The following CXADR variants were observed in gnomAD, a reference collection of about 807,000 sequenced individuals.
The protein encoded by CXADR is CXADR cell adhesion molecule.
Under a neutral mutation model 40.3 loss-of-function variants are expected in CXADR, and 20 were observed. That is an observed-to-expected ratio of 0.50 (90% confidence interval 0.35 to 0.72). CXADR has a LOEUF of 0.72. CXADR is among the 30% of genes least tolerant of loss of function. CXADR has a pLI of 0.01. For synonymous variants in CXADR, 150 were observed against 161.3 expected, an observed-to-expected ratio of 0.93 and a Z score of 0.53; for missense variants, 332 against 449.1, an observed-to-expected ratio of 0.74 and a Z score of 2.36.
Position 17,523,455 on chromosome 21 carries a change from G to T in CXADR, c.43+10283G>T, listed in dbSNP as rs995619954. Among the ~76,000 whole-genome samples, 8 of 152,230 alleles carry T rather than the reference G, an allele frequency of 5.3e-5. No homozygotes were observed. The East Asian group carries it at 1.5e-3, about 29-fold the overall frequency. The stretch of plus-strand genomic sequence containing the variant: ...TTGTGTCAGCTTTGCCAGGTGTTCA[G>T]GAGTGGAGTTTATATCACCACTCAC... On this transcript the variant is annotated intron_variant, in intron 1 of 6. Transcript: ENST00000284878.
At chr21:17,585,050 A>G (rs1161313849) in intron 7 of CXADR, among the ~76,000 whole-genome samples, 2 of 152,124 alleles carry the variant, frequency 1.3e-5, no homozygotes, top group Non-Finnish European at 2.9e-5. Context: ...CTGTTTTTCC[A>G]TTGAATTTTG....
chr21:17,618,651 C>T, the CXADR span, among the ~76,000 whole-genome samples: 2 of 152,140 alleles, frequency 1.3e-5, no homozygotes, highest in Non-Finnish European at 2.9e-5. Flanking sequence ...ATTCTCTGGC[C>T]TCAGCCTCCC....
chr21:17,518,340 A>C (rs1433103848), intron 1 of CXADR, among the ~76,000 whole-genome samples: 1 of 152,234 alleles, frequency 6.6e-6, no homozygotes, highest in Non-Finnish European at 1.5e-5. Context: ...TTGACCAAAA[A>C]AATATCCTGA....
chr21:17,625,711 T>C, the CXADR span, among the ~76,000 whole-genome samples: 18 of 152,216 alleles, frequency 1.2e-4, no homozygotes, highest in Admixed American at 5.9e-4. Flanking sequence ...ACATATACCA[T>C]TTGCAAATTC....
chr21:17,544,619 C>G (rs1047280817), intron 1 of CXADR, among the ~76,000 whole-genome samples: 1 of 152,070 alleles, frequency 6.6e-6, no homozygotes, highest in Non-Finnish European at 1.5e-5. Flanking sequence ...GGCCGGTGAC[C>G]GAGGAGGCAA....
At chr21:17,536,160 C>G (rs769846082) in intron 1 of CXADR, among the ~76,000 whole-genome samples, 2 of 152,116 alleles carry the variant, frequency 1.3e-5, no homozygotes, top group Non-Finnish European at 2.9e-5. Flanking sequence ...AAGATAACAG[C>G]TCTTTTCGTC....
At chr21:17,599,525 G>A in the CXADR span, among the ~76,000 whole-genome samples, 3 of 143,860 alleles carry the variant, frequency 2.1e-5, no homozygotes, top group Non-Finnish European at 4.5e-5. Context: ...TGCCCAGGCT[G>A]GAGTGCAATG....
At chr21:17,612,675 C>A in the CXADR span, 1 of 152,912 alleles carries the variant, frequency 6.5e-6, no homozygotes, top group South Asian at 2.1e-4. Flanking sequence ...CCATGTCTGC[C>A]TTTCCCCGGC....
At chr21:17,559,175 A>T (rs745952166) in intron 4 of CXADR, 44 bp downstream of exon 4, 1 of 1,599,140 alleles carries the variant, frequency 6.3e-7, no homozygotes, top group Non-Finnish European at 8.6e-7. Flanking sequence ...ATTGATTTGG[A>T]CTAAGATCTA....
chr21:17,526,831 GTTTTGTTTTTGT>G (rs547584948), intron 1 of CXADR, among the ~76,000 whole-genome samples: 7 of 152,010 alleles, frequency 4.6e-5, no homozygotes, highest in Non-Finnish European at 8.8e-5. Flanking sequence ...GGGTTTTGGT[GTTTTGTTTTTGT>G]TTTTGTTTTG....
At chr21:17,548,373 C>T (rs2643069) in intron 2 of CXADR, among the ~76,000 whole-genome samples, 72,348 of 152,036 alleles carry the variant, frequency 0.48, 20,740 homozygotes, top group Non-Finnish European at 0.63. Context: ...AACCTCTGCC[C>T]TGATTCTGTT....
chr21:17,610,894 T>C, the CXADR span, among the ~76,000 whole-genome samples: 1 of 152,178 alleles, frequency 6.6e-6, no homozygotes, highest in Non-Finnish European at 1.5e-5. Context: ...CAAGTGCAAA[T>C]TCAAACAAGG....
intron 1 of CXADR, among the ~76,000 whole-genome samples, chr21:17,518,262 AAACC>A (rs994962701): frequency 6.6e-6 from 1 of 151,978 alleles, no homozygotes; most frequent in African/African-American, 2.4e-5. Context: ...AAAATACCCC[AAACC>A]AAAAACAAAA....
At chr21:17,601,832 T>C in the CXADR span, among the ~76,000 whole-genome samples, 1 of 152,228 alleles carries the variant, frequency 6.6e-6, no homozygotes, top group Non-Finnish European at 1.5e-5. Flanking sequence ...AACAGAAACC[T>C]CAACCAAGGG....
chr21:17,589,745 G>A (rs191718323), intron 7 of CXADR, among the ~76,000 whole-genome samples: 9 of 151,970 alleles, frequency 5.9e-5, no homozygotes, highest in African/African-American at 1.4e-4. Flanking sequence ...CACTTATTAC[G>A]TAGGTAATGG....
chr21:17,629,439 C>A, the CXADR span, among the ~76,000 whole-genome samples: 6 of 151,054 alleles, frequency 4.0e-5, no homozygotes, highest in South Asian at 1.1e-3. Flanking sequence ...TTGGTATATG[C>A]CTGTAGTCCC....
chr21:17,621,714 G>A, the CXADR span, among the ~76,000 whole-genome samples: 1 of 152,126 alleles, frequency 6.6e-6, no homozygotes. Flanking sequence ...TTCTCTAGAG[G>A]ACGCATCTCT....
intron 1 of CXADR, among the ~76,000 whole-genome samples, chr21:17,544,091 G>A (rs1383151802): frequency 6.6e-6 from 1 of 152,132 alleles, no homozygotes; most frequent in Middle Eastern, 3.2e-3. Flanking sequence ...AAATTCCAAG[G>A]CAACATATGC....
intron 7 of CXADR, among the ~76,000 whole-genome samples, chr21:17,585,011 TC>T (rs2061385138): frequency 6.6e-6 from 1 of 152,262 alleles, no homozygotes; most frequent in African/African-American, 2.4e-5. Context: ...TTTGTTTTTT[TC>T]CATAGAGTTT....
Sources: allele counts gnomAD v4.1 joint callset (sites outside exome capture counted in the v4.1 genomes callset), GRCh38; gene constraint gnomAD v4.1.1; transcripts MANE v1.5; gene names NCBI Gene and HGNC (gene_info 2026-07-23, HGNC 2026-07-21).